MRPS27: variants seen among roughly 807,000 people sequenced by gnomAD.
MRPS27 encodes mitochondrial ribosomal protein S27.
A neutral mutation model predicts 48.9 loss-of-function variants in MRPS27; 43 were observed. The observed-to-expected ratio is 0.88, with a 90% CI of 0.69 to 1.13. The LOEUF is 1.13. MRPS27 is among the 50% of genes most tolerant of loss of function. MRPS27 has a pLI of 0.00. For synonymous variants in MRPS27, 188 were observed against 171.9 expected (o/e 1.09, Z -0.73); for missense variants, 467 against 476.3 (o/e 0.98, Z 0.18).
At chr5:72,308,285 C>G (rs887788409) in intron 2 of MRPS27, among the ~76,000 whole-genome samples, 1 of 152,218 alleles carries the variant, frequency 6.6e-6, no homozygotes, top group African/African-American at 2.4e-5. Context: ...CCGTACTCCC[C>G]GGCAGGGCAC....
intron 1 of MRPS27, among the ~76,000 whole-genome samples, chr5:72,319,847 G>A (rs1376774876): frequency 6.6e-6 from 1 of 152,074 alleles, no homozygotes; most frequent in Non-Finnish European, 1.5e-5. Flanking sequence ...GCGCACATTT[G>A]GGTTTTTCGT....
chr5:72,319,097 G>A (rs1360803953), intron 1 of MRPS27, among the ~76,000 whole-genome samples: 1 of 152,154 alleles, frequency 6.6e-6, no homozygotes. Context: ...GGTTGGAAAG[G>A]GAAGATAAGC....
At chr5:72,253,339 G>A (rs73761742) in intron 4 of MRPS27, among the ~76,000 whole-genome samples, 9,707 of 152,136 alleles carry the variant, frequency 0.064, 556 homozygotes, top group African/African-American at 0.15. Flanking sequence ...AATCTATCAC[G>A]TTTAATCACA....
At chr5:72,231,030 C>T (rs749396876) in intron 7 of MRPS27, among the ~76,000 whole-genome samples, 2 of 152,104 alleles carry the variant, frequency 1.3e-5, no homozygotes, top group Non-Finnish European at 2.9e-5. Context: ...GATAGCTTAT[C>T]CACAGTACAG....
At chr5:72,281,458 A>G (rs1041917251) in intron 4 of MRPS27, among the ~76,000 whole-genome samples, 1 of 152,236 alleles carries the variant, frequency 6.6e-6, no homozygotes, top group Admixed American at 6.5e-5. Flanking sequence ...TTTTGACAGA[A>G]GACAAAACAA....
intron 2 of MRPS27, among the ~76,000 whole-genome samples, chr5:72,299,551 T>A (rs1237223901): frequency 6.6e-6 from 1 of 152,224 alleles, no homozygotes; most frequent in Non-Finnish European, 1.5e-5. Flanking sequence ...TTCAAAACAT[T>A]TAAAAATTGA....
chr5:72,294,566 T>A (rs1408166425), intron 4 of MRPS27: 2 of 152,210 alleles, frequency 1.3e-5, no homozygotes, highest in Admixed American at 1.3e-4. Flanking sequence ...TTTGACCAGT[T>A]CTTTATTTAA....
chr5:72,276,743 A>G (rs769789552), intron 4 of MRPS27, among the ~76,000 whole-genome samples: 1 of 151,982 alleles, frequency 6.6e-6, no homozygotes, highest in Non-Finnish European at 1.5e-5. Context: ...CTAAAAAGTG[A>G]GCAAAGCGCC....
intron 4 of MRPS27, among the ~76,000 whole-genome samples, chr5:72,273,562 C>T (rs1368483342): frequency 3.3e-5 from 5 of 152,094 alleles, no homozygotes; most frequent in Non-Finnish European, 5.9e-5. Flanking sequence ...ACCTGTACCG[C>T]GTGGGACTAC....
rs375576068 is a variant in MRPS27, at chr5:72,227,423, T to A, written c.694+843A>T. 6.8e-4 allele frequency: 104 copies of A among 152,286 alleles called. 1 individual carries two copies. The highest frequency in any genetic ancestry group is 2.4e-3 in the African/African-American group (98 of 41,562). 9.4% of individuals were successfully genotyped at this position (152,286 alleles called of 1,614,324 possible). On this transcript the variant is annotated intron_variant, in intron 8 of 10. Transcript: ENST00000261413. Reference sequence around the variant, plus strand: ...AAGTTCCTGAGTTATTATATCAGAATCAGCACCAAGAATAACACACTACAT... The same window carrying A: ...AAGTTCCTGAGTTATTATATCAGAAACAGCACCAAGAATAACACACTACAT...
chr5:72,241,521 G>T, intron 4 of MRPS27: 2 of 926,162 alleles, frequency 2.2e-6, no homozygotes, highest in Non-Finnish European at 3.3e-6. Flanking sequence ...GTTCAATTTT[G>T]GATGGCAAGT....
intron 4 of MRPS27, among the ~76,000 whole-genome samples, chr5:72,285,743 T>C (rs890314843): frequency 1.3e-5 from 2 of 152,208 alleles, no homozygotes; most frequent in Non-Finnish European, 1.5e-5. Context: ...CAGGCTGATC[T>C]CAAACTCCTG....
chr5:72,297,861 T>C (rs1026446629), intron 2 of MRPS27, among the ~76,000 whole-genome samples, 159 bp from the exon 3 acceptor site: 1 of 152,186 alleles, frequency 6.6e-6, no homozygotes, highest in Admixed American at 6.5e-5. Flanking sequence ...GAATATTCTT[T>C]AAAACATTTT....
chr5:72,235,540 G>C (rs1748179675), intron 5 of MRPS27, among the ~76,000 whole-genome samples: 1 of 152,100 alleles, frequency 6.6e-6, no homozygotes, highest in South Asian at 2.1e-4. Flanking sequence ...TTCATCAATT[G>C]TAATAAATGT....
intron 4 of MRPS27, among the ~76,000 whole-genome samples, chr5:72,286,325 C>T (rs944303343): frequency 2.0e-5 from 3 of 152,152 alleles, no homozygotes; most frequent in Non-Finnish European, 2.9e-5. Context: ...AGGGCTTACA[C>T]TACCTAATTT....
intron 4 of MRPS27, among the ~76,000 whole-genome samples, chr5:72,279,062 C>A (rs989860566): frequency 6.6e-6 from 1 of 152,148 alleles, no homozygotes; most frequent in Non-Finnish European, 1.5e-5. Flanking sequence ...CTTCATATTG[C>A]CAAACTACTC....
intron 4 of MRPS27, among the ~76,000 whole-genome samples, chr5:72,262,097 AT>A (rs1262792272): frequency 1.3e-5 from 2 of 152,200 alleles, no homozygotes; most frequent in African/African-American, 4.8e-5. Flanking sequence ...CCTAACCTCT[AT>A]TAGGGAAAAA....
At chr5:72,249,873 A>T (rs1035709166) in intron 4 of MRPS27, among the ~76,000 whole-genome samples, 6 of 152,040 alleles carry the variant, frequency 3.9e-5, no homozygotes, top group African/African-American at 1.4e-4. Context: ...AGTCCCAGCT[A>T]CTTGGGAGGC....
intron 6 of MRPS27, among the ~76,000 whole-genome samples, chr5:72,233,488 C>T (rs1168245745): frequency 6.6e-6 from 1 of 152,002 alleles, no homozygotes; most frequent in African/African-American, 2.4e-5. Context: ...ATTTTTTTAA[C>T]CAATTTTTAC....
Sources: gnomAD v4.1 joint callset for allele counts (sites outside exome capture counted in the v4.1 genomes callset) on GRCh38, gnomAD v4.1.1 for gene constraint, MANE v1.5 for transcripts, NCBI Gene and HGNC (gene_info 2026-07-23, HGNC 2026-07-21) for gene names.